CCDC187: variants seen among roughly 807,000 people sequenced by gnomAD.
The protein encoded by CCDC187 is coiled-coil domain-containing protein 187.
Under a neutral mutation model 38.0 loss-of-function variants are expected in CCDC187, and 32 were observed. The observed-to-expected ratio is 0.84, with a 90% CI of 0.64 to 1.13. The LOEUF is 1.13. Ranked by LOEUF, CCDC187 falls within the 50% of genes most tolerant of loss-of-function variation. The pLI, the probability that CCDC187 is intolerant of heterozygous loss-of-function variation, is 0.00. For synonymous variants in CCDC187, 333 were observed against 347.9 expected (o/e 0.96, Z 0.48); for missense variants, 707 against 786.8 (o/e 0.90, Z 1.21).
chr9:136,263,851 A>G, intron 17 of CCDC187, 53 bp from the exon 18 acceptor site: 1 of 979,956 alleles, frequency 1.0e-6, no homozygotes, highest in Non-Finnish European at 1.2e-6. Context: ...CAGCAGGGGA[A>G]AAGGCCAACA....
intron 14 of CCDC187, among the ~76,000 whole-genome samples, chr9:136,272,347 G>A (rs996240028): frequency 1.3e-5 from 2 of 152,114 alleles, no homozygotes; most frequent in Non-Finnish European, 2.9e-5. Context: ...ACAATGTATC[G>A]CAGAGTTTAT....
chr9:136,268,020 C>A (rs1255907073), intron 15 of CCDC187, 29 bp downstream of exon 15: 1 of 985,048 alleles, frequency 1.0e-6, no homozygotes, highest in Non-Finnish European at 1.2e-6. Context: ...TGAAATTGTG[C>A]CTCTCCCCCA....
At chr9:136,301,654 T>G (rs1831686968) in intron 2 of CCDC187, among the ~76,000 whole-genome samples, 1 of 147,280 alleles carries the variant, frequency 6.8e-6, no homozygotes, top group Non-Finnish European at 1.5e-5. Context: ...TGGCGCAATC[T>G]CGACTCACTG....
At chr9:136,304,403 A>G (rs1831765891), upstream of CCDC187, among the ~76,000 whole-genome samples, 1 of 152,212 alleles carries the variant, frequency 6.6e-6, no homozygotes, top group South Asian at 2.1e-4. Flanking sequence ...ACATCCCAAC[A>G]GAAACACATC....
rs1830569067 is a variant in CCDC187 at position 136,253,120 on chromosome 9, T to C, written c.*474A>G. ...TGGTGGGGGTCTTGGCCAAGCAGGC[T>C]CGGCTGCCCAGGGACCCTGCCGCAG... is the stretch of plus-strand genomic sequence containing the variant. On this transcript the variant is annotated 3_prime_UTR_variant, in exon 26 of 26. Transcript: ENST00000638797. 1 of 152,276 alleles carries C rather than the reference T, an allele frequency of 6.6e-6. No individual in the cohort carries two copies. 9.4% of individuals were successfully genotyped at this position (152,276 alleles called of 1,614,324 possible).
intron 19 of CCDC187, among the ~76,000 whole-genome samples, chr9:136,261,892 AAAG>A (rs1830683332): frequency 6.6e-6 from 1 of 152,244 alleles, no homozygotes; most frequent in African/African-American, 2.4e-5. Flanking sequence ...TCGAGCCCGG[AAAG>A]AAGAGCTGTT....
chr9:136,256,180 C>T, intron 24 of CCDC187, 31 bp downstream of exon 24: 1 of 977,900 alleles, frequency 1.0e-6, no homozygotes, highest in Non-Finnish European at 1.2e-6. Context: ...CCTCACGCTC[C>T]ACCCCTGCTC....
intron 3 of CCDC187, among the ~76,000 whole-genome samples, chr9:136,299,785 C>T (rs1831629534): frequency 6.6e-6 from 1 of 152,160 alleles, no homozygotes; most frequent in African/African-American, 2.4e-5. Flanking sequence ...AGCGTTTCCC[C>T]ATCTGTGGGC....
intron 4 of CCDC187, among the ~76,000 whole-genome samples, chr9:136,295,354 A>G (rs987382124): frequency 6.6e-6 from 1 of 152,226 alleles, no homozygotes; most frequent in Non-Finnish European, 1.5e-5. Flanking sequence ...CGCTCGATAA[A>G]TGGGTCCTGA....
At chr9:136,271,565 A>G (rs1554762388) in intron 14 of CCDC187, among the ~76,000 whole-genome samples, 1 of 151,544 alleles carries the variant, frequency 6.6e-6, no homozygotes. Context: ...AACAAAGGAC[A>G]TCATAATAAA....
intron 18 of CCDC187, among the ~76,000 whole-genome samples, chr9:136,263,398 A>G (rs965153260): frequency 3.9e-5 from 6 of 151,910 alleles, no homozygotes; most frequent in Admixed American, 6.6e-5. Flanking sequence ...CCTTGCCTGG[A>G]TAATTTTTTG....
intron 16 of CCDC187, 112 bp downstream of exon 16, chr9:136,267,272 G>T: frequency 1.4e-6 from 1 of 733,296 alleles, no homozygotes; most frequent in Non-Finnish European, 1.6e-6. Context: ...CGCTGTCGGG[G>T]CCACGGGCGG....
At chr9:136,281,521 C>T (rs965727489) in intron 10 of CCDC187, 30 bp downstream of exon 10, 3 of 398,694 alleles carry the variant, frequency 7.5e-6, no homozygotes, top group South Asian at 1.3e-4. Flanking sequence ...GACCAGCCAG[C>T]CCAGGGCCTG....
intron 16 of CCDC187, 82 bp downstream of exon 16, chr9:136,267,301 AG>A (rs1309176343): frequency 3.8e-6 from 3 of 789,790 alleles, no homozygotes; most frequent in Admixed American, 5.4e-4. Flanking sequence ...CGGGGCAGGG[AG>A]GGGGCGGGGC....
chr9:136,261,159 C>T (rs868980050), intron 19 of CCDC187, among the ~76,000 whole-genome samples: 3 of 152,122 alleles, frequency 2.0e-5, no homozygotes, highest in Non-Finnish European at 4.4e-5. Flanking sequence ...TCCTCACTCC[C>T]GTGGGAGTGC....
intron 7 of CCDC187, among the ~76,000 whole-genome samples, chr9:136,287,131 C>T (rs1216908697): frequency 3.9e-5 from 6 of 152,172 alleles, no homozygotes; most frequent in African/African-American, 7.2e-5. Flanking sequence ...GAGGGACGAA[C>T]GGAGAAGCAA....
In CCDC187 at chr9:136,293,477, ACACT is replaced by A. The variant is rs1348138727; in HGVS notation, c.833-1186_833-1183del. On this transcript the variant is annotated intron_variant, in intron 4 of 25. Coordinates refer to ENST00000638797, the MANE Select transcript of CCDC187 (RefSeq NM_001378188.1). ...CTCACACTCACACTCACATGCTCACACACTCACAAACACATGCTCACACACTCAC... is the reference window on the plus strand; with the variant it reads ...CTCACACTCACACTCACATGCTCACACACAAACACATGCTCACACACTCAC... Among the ~76,000 whole-genome samples, 156 of 147,708 alleles carry A rather than the reference ACACT, an allele frequency of 1.1e-3. 1 individual carries two copies. The highest frequency in any genetic ancestry group is 3.5e-3 in the African/African-American group (138 of 38,968).
At chr9:136,299,420 A>G (rs1015843614) in intron 3 of CCDC187, among the ~76,000 whole-genome samples, 20,054 of 152,194 alleles carry the variant, frequency 0.13, 1,728 homozygotes, top group South Asian at 0.26. Flanking sequence ...AAAAACGCAC[A>G]TGATTCCCTG....
chr9:136,286,887 C>T (rs1182101932), intron 7 of CCDC187, among the ~76,000 whole-genome samples, 192 bp from the exon 8 acceptor site: 1 of 152,222 alleles, frequency 6.6e-6, no homozygotes, highest in Non-Finnish European at 1.5e-5. Context: ...AGAACAGGGC[C>T]AGGCGTGAGC....
Sources: gnomAD v4.1 joint callset for allele counts (sites outside exome capture counted in the v4.1 genomes callset) on GRCh38, gnomAD v4.1.1 for gene constraint, MANE v1.5 for transcripts, NCBI Gene and HGNC (gene_info 2026-07-23, HGNC 2026-07-21) for gene names.